Variants in AGBL4 observed in about 807,000 individuals in gnomAD.
The protein encoded by AGBL4 is cytosolic carboxypeptidase 6.
In AGBL4, 58 loss-of-function variants were observed where a neutral mutation model predicts 66.4. That is an observed-to-expected ratio of 0.87 (90% CI 0.71 to 1.09). The LOEUF (loss-of-function observed/expected upper bound fraction) is 1.09, where lower values mean the gene tolerates loss of function less well. AGBL4 is among the 50% of genes least tolerant of loss of function. The pLI, the probability that AGBL4 is intolerant of heterozygous loss-of-function variation, is 0.00. For synonymous variants in AGBL4, 234 were observed against 222.9 expected (o/e 1.05, Z -0.44); for missense variants, 579 against 631.0 (o/e 0.92, Z 0.88).
At chr1:49,490,029 C>T (rs1180153166) in intron 3 of AGBL4, among the ~76,000 whole-genome samples, 3 of 151,916 alleles carry the variant, frequency 2.0e-5, no homozygotes, top group South Asian at 2.1e-4. Context: ...TCTTAATTCT[C>T]TTCCCTGTAT....
At chr1:49,141,999 G>C (rs762557461) in intron 4 of AGBL4, among the ~76,000 whole-genome samples, 1 of 152,004 alleles carries the variant, frequency 6.6e-6, no homozygotes, top group Non-Finnish European at 1.5e-5. Flanking sequence ...ACGAGGTGGT[G>C]GGGGGGTGGG....
intron 4 of AGBL4, among the ~76,000 whole-genome samples, chr1:49,115,441 T>C (rs1645498723): frequency 6.6e-6 from 1 of 152,194 alleles, no homozygotes; most frequent in South Asian, 2.1e-4. Context: ...TGTAATATCA[T>C]TGTGGACATG....
chr1:49,552,735 A>G (rs1653069623), intron 3 of AGBL4, among the ~76,000 whole-genome samples: 1 of 152,172 alleles, frequency 6.6e-6, no homozygotes, highest in Non-Finnish European at 1.5e-5. Context: ...TTGTTCTTAC[A>G]GTCGATTTGG....
chr1:49,200,099 G>T (rs1647568144), intron 4 of AGBL4, among the ~76,000 whole-genome samples: 1 of 152,110 alleles, frequency 6.6e-6, no homozygotes, highest in Admixed American at 6.5e-5. Flanking sequence ...TTGGGTAAAG[G>T]CATGAAAACA....
chr1:49,012,281 CA>C, intron 5 of AGBL4, among the ~76,000 whole-genome samples: 1 of 151,866 alleles, frequency 6.6e-6, no homozygotes, highest in African/African-American at 2.4e-5. Flanking sequence ...GTGCTGTGTG[CA>C]GGGAAAATAT....
chr1:50,023,501 C>G (rs1291831375), intron 1 of AGBL4, among the ~76,000 whole-genome samples: 1 of 152,186 alleles, frequency 6.6e-6, no homozygotes, highest in Non-Finnish European at 1.5e-5. Context: ...TCCCTCAGGT[C>G]CCAGCCCCTT....
intron 5 of AGBL4, among the ~76,000 whole-genome samples, chr1:48,907,935 C>T (rs1227288243): frequency 6.6e-6 from 1 of 152,016 alleles, no homozygotes; most frequent in Admixed American, 6.6e-5. Context: ...ATTATTTGAG[C>T]AGAAGTATGG....
chr1:49,586,865 G>C (rs1189212240), intron 3 of AGBL4, among the ~76,000 whole-genome samples: 1 of 152,098 alleles, frequency 6.6e-6, no homozygotes, highest in African/African-American at 2.4e-5. Context: ...ACATACACCA[G>C]AGTGTCCCTC....
intron 3 of AGBL4, among the ~76,000 whole-genome samples, chr1:49,459,041 T>G (rs1646451960): frequency 6.6e-6 from 1 of 151,406 alleles, no homozygotes; most frequent in African/African-American, 2.4e-5. Flanking sequence ...CTTTTCTTTC[T>G]TTCTCTTTCT....
chr1:48,679,145 G>T (rs530003928), intron 6 of AGBL4, among the ~76,000 whole-genome samples: 1 of 152,332 alleles, frequency 6.6e-6, no homozygotes, highest in Non-Finnish European at 1.5e-5. Context: ...TGGGCACAGG[G>T]TTCTTAGAGG....
At chr1:48,741,763 A>T (rs752912573) in intron 6 of AGBL4, among the ~76,000 whole-genome samples, 1 of 152,246 alleles carries the variant, frequency 6.6e-6, no homozygotes, top group Non-Finnish European at 1.5e-5. Flanking sequence ...AGAAAAATGA[A>T]CCAACACATG....
chr1:48,576,808 C>T (rs185829602), intron 11 of AGBL4, among the ~76,000 whole-genome samples: 8 of 152,316 alleles, frequency 5.3e-5, no homozygotes, highest in Non-Finnish European at 1.2e-4. Flanking sequence ...CAGCCAAAAT[C>T]AGCTTCAATT....
intron 1 of AGBL4, among the ~76,000 whole-genome samples, chr1:49,930,537 T>C (rs979807188): frequency 6.6e-6 from 1 of 152,166 alleles, no homozygotes; most frequent in Admixed American, 6.5e-5. Flanking sequence ...CTAAATAAAC[T>C]TTTCACAAAT....
chr1:49,623,864 T>C (rs1367813355), intron 3 of AGBL4, among the ~76,000 whole-genome samples: 3 of 152,168 alleles, frequency 2.0e-5, no homozygotes, highest in Non-Finnish European at 2.9e-5. Flanking sequence ...TGCCATGAGA[T>C]AGGCTTAATG....
intron 11 of AGBL4, among the ~76,000 whole-genome samples, chr1:48,578,039 G>A (rs1644681476): frequency 6.6e-6 from 1 of 152,050 alleles, no homozygotes; most frequent in Non-Finnish European, 1.5e-5. Context: ...ATTTTTTTGG[G>A]CTTCAATTTC....
At chr1:49,186,526 A>T (rs1414255939) in intron 4 of AGBL4, among the ~76,000 whole-genome samples, 1 of 152,192 alleles carries the variant, frequency 6.6e-6, no homozygotes, top group African/African-American at 2.4e-5. Flanking sequence ...TAATAAAACC[A>T]ACCCTACATG....
chr1:49,427,705 G>A (rs988027642), intron 3 of AGBL4, among the ~76,000 whole-genome samples: 2 of 152,174 alleles, frequency 1.3e-5, no homozygotes, highest in African/African-American at 4.8e-5. Flanking sequence ...AAAGAGTGAG[G>A]AGCAGCAAGG....
chr1:49,424,893 G>A (rs1645622897), intron 3 of AGBL4, among the ~76,000 whole-genome samples: 1 of 152,124 alleles, frequency 6.6e-6, no homozygotes, highest in Non-Finnish European at 1.5e-5. Context: ...GTAAGTATGA[G>A]GCCTGGTGAG....
At chr1:49,243,402 C>G (rs1651391474) in intron 4 of AGBL4, among the ~76,000 whole-genome samples, 1 of 151,640 alleles carries the variant, frequency 6.6e-6, no homozygotes, top group South Asian at 2.1e-4. Flanking sequence ...ATAGCCAATT[C>G]CTTATCAAAC....
Sources: gnomAD v4.1 joint callset for allele counts (sites outside exome capture counted in the v4.1 genomes callset) on GRCh38, gnomAD v4.1.1 for gene constraint, MANE v1.5 for transcripts, NCBI Gene and HGNC (gene_info 2026-07-23, HGNC 2026-07-21) for gene names.